MACIR: variants seen among roughly 807,000 people sequenced by gnomAD.
MACIR encodes the protein UNC119-binding protein C5orf30.
In MACIR, 4 loss-of-function variants were observed where a neutral mutation model predicts 14.3. That is an observed-to-expected ratio of 0.28 (90% CI 0.14 to 0.64). The LOEUF is 0.64. MACIR is among the 30% of genes least tolerant of loss of function. The pLI, the probability that MACIR is intolerant of heterozygous loss-of-function variation, is 0.83. For synonymous variants in MACIR, 101 were observed against 102.4 expected (o/e 0.99, Z 0.08); for missense variants, 228 against 257.6 (o/e 0.89, Z 0.79).
Position 103,276,076 on chromosome 5 carries a change from A to G in MACIR, c.157A>G (p.Ile53Val), listed in dbSNP as rs1554237652. Residue 53 changes from isoleucine to valine, a missense_variant, in exon 3 of 3, where the codon ATC becomes GTC. Coordinates refer to ENST00000319933, the MANE Select transcript of MACIR (RefSeq NM_033211.4). Reference sequence around the variant, plus strand: ...GCGGAGGACCGTGTCAGGCTACCAGATCCTACACATGGACTCTAACTATTT... The same window carrying G: ...GCGGAGGACCGTGTCAGGCTACCAGGTCCTACACATGGACTCTAACTATTT... The part of the protein sequence containing the change: ...PMRRTVSGYQ[I>V]LHMDSNYLVG... The G allele has an allele frequency of 6.2e-7, 1 of 1,614,060 alleles. No individual in the cohort carries two copies. The highest frequency in any genetic ancestry group is 8.5e-7 in the Non-Finnish European group (1 of 1,180,010).
intron 2 of MACIR, 139 bp from the exon 3 acceptor site, chr5:103,275,758 A>G: frequency 1.5e-6 from 1 of 673,448 alleles, no homozygotes; most frequent in African/African-American, 1.8e-5. Context: ...CGTTTAGTAG[A>G]CATAGTTACA....
chr5:103,258,465 T>C (rs191305734), upstream of MACIR, among the ~76,000 whole-genome samples: 377 of 152,016 alleles, frequency 2.5e-3, 1 homozygote, highest in African/African-American at 8.8e-3. Flanking sequence ...TTAGTTGGAG[T>C]GCTGGGTTTA....
chr5:103,265,920 A>T lies in MACIR; in HGVS notation c.-101A>T, dbSNP rs1413280394. 6.6e-6 allele frequency: 1 copy of T among 152,154 alleles called. No individual in the cohort carries two copies. Among genetic ancestry groups the T allele is most frequent in the African/African-American group, 2.4e-5 (1 of 41,446 alleles). 9.4% of individuals were successfully genotyped at this position (152,154 alleles called of 1,614,324 possible). A position where few individuals can be genotyped will look rare whatever the true frequency, so the allele number is the denominator to read the frequency against. On this transcript the variant is annotated 5_prime_UTR_variant, in exon 2 of 3. Transcript: ENST00000319933. Reference sequence around the variant, plus strand: ...ATTTCATGTTTAGTACCTGGAGTAGAACAGAAAAATTATTATGTCTGTGTT... The same window carrying T: ...ATTTCATGTTTAGTACCTGGAGTAGTACAGAAAAATTATTATGTCTGTGTT...
chr5:103,276,588 T>C lies in MACIR; in HGVS notation c.*48T>C. 6.5e-7 allele frequency: 1 copy of C among 1,539,768 alleles called. No individual in the cohort carries two copies. The highest frequency in any genetic ancestry group is 1.4e-5 in the African/African-American group (1 of 72,512). On this transcript the variant is annotated 3_prime_UTR_variant, in exon 3 of 3. Transcript: ENST00000319933. ...CAATTTAGGTCAGCCTACGCTTGGC[T>C]AGAAAAAACCCACTGCTGTACTCTG...
intron 2 of MACIR, among the ~76,000 whole-genome samples, chr5:103,269,418 T>A (rs568157363): frequency 1.3e-5 from 2 of 151,742 alleles, no homozygotes; most frequent in Non-Finnish European, 2.9e-5. Context: ...TGTTGATATC[T>A]GTTTTCTCTT....
intron 2 of MACIR, among the ~76,000 whole-genome samples, chr5:103,272,323 G>A (rs1805162993): frequency 6.6e-6 from 1 of 150,770 alleles, no homozygotes; most frequent in African/African-American, 2.4e-5. Flanking sequence ...ATCAAGATAG[G>A]TTGACTTTGA....
At chr5:103,274,952 T>C (rs1805266210) in intron 2 of MACIR, among the ~76,000 whole-genome samples, 7 of 152,176 alleles carry the variant, frequency 4.6e-5, no homozygotes, top group Admixed American at 3.9e-4. Flanking sequence ...ATCTGTAGCT[T>C]TCAGGAACCT....
chr5:103,263,786 G>A (rs1554236517), intron 1 of MACIR, among the ~76,000 whole-genome samples: 1 of 152,106 alleles, frequency 6.6e-6, no homozygotes, highest in Non-Finnish European at 1.5e-5. Context: ...TGTGATAGAT[G>A]TAGTCTTGAG....
intron 2 of MACIR, among the ~76,000 whole-genome samples, chr5:103,268,660 G>C (rs767389143): frequency 7.9e-5 from 12 of 152,182 alleles, no homozygotes; most frequent in Admixed American, 1.3e-4. Context: ...CTACACCCCA[G>C]ATCAGTTAAA....
intron 1 of MACIR, chr5:103,259,408 C>A (rs1202052739): frequency 2.0e-5 from 3 of 152,118 alleles, no homozygotes; most frequent in Non-Finnish European, 4.4e-5. Flanking sequence ...TTGGCGCGCA[C>A]GCTCGCTCGC....
intron 1 of MACIR, among the ~76,000 whole-genome samples, chr5:103,262,585 C>T (rs1213845086): frequency 6.6e-6 from 1 of 152,182 alleles, no homozygotes; most frequent in Non-Finnish European, 1.5e-5. Flanking sequence ...TTAATGTTTG[C>T]AAACTTTTCT....
chr5:103,261,995 T>C (rs1804746617), intron 1 of MACIR, among the ~76,000 whole-genome samples: 1 of 152,180 alleles, frequency 6.6e-6, no homozygotes, highest in Non-Finnish European at 1.5e-5. Context: ...GTTTTGTTAG[T>C]GATCTGTGCT....
chr5:103,267,431 A>T (rs2569016), intron 2 of MACIR, among the ~76,000 whole-genome samples: 1 of 151,920 alleles, frequency 6.6e-6, no homozygotes, highest in African/African-American at 2.4e-5. Context: ...TCTCTCTGTG[A>T]TTGGTTGAAT....
chr5:103,270,552 C>T (rs1439623431), intron 2 of MACIR, among the ~76,000 whole-genome samples: 5 of 152,076 alleles, frequency 3.3e-5, no homozygotes, highest in Admixed American at 1.3e-4. Flanking sequence ...TTGCTTTTAT[C>T]GGTTTCAAAA....
upstream of MACIR, among the ~76,000 whole-genome samples, chr5:103,258,468 T>C (rs1177176995): frequency 2.0e-5 from 3 of 152,054 alleles, no homozygotes; most frequent in Non-Finnish European, 4.4e-5. Context: ...GTTGGAGTGC[T>C]GGGTTTAGAC....
At chr5:103,266,103 G>A (rs1804915016) in intron 2 of MACIR, 106 bp downstream of exon 2, 2 of 152,218 alleles carry the variant, frequency 1.3e-5, no homozygotes, top group Admixed American at 6.5e-5. Flanking sequence ...TGAAATGTCA[G>A]TTAATCAAGT....
Position 103,276,587 on chromosome 5 carries a change from C to G in MACIR, c.*47C>G, listed in dbSNP as rs782132807. The G allele has an allele frequency of 1.9e-6, 3 of 1,538,674 alleles. No individual in the cohort carries two copies. Among genetic ancestry groups the G allele is most frequent in the Non-Finnish European group, 2.6e-6 (3 of 1,143,094 alleles). ...CCAATTTAGGTCAGCCTACGCTTGG[C>G]TAGAAAAAACCCACTGCTGTACTCT... is the stretch of plus-strand genomic sequence containing the variant. On this transcript the variant is annotated 3_prime_UTR_variant, in exon 3 of 3. Transcript: ENST00000319933.
chr5:103,258,680 G>GGGCGGAGGAGGAGGCGGAGGAGGA (rs530685651), upstream of MACIR: 12 of 153,388 alleles, frequency 7.8e-5, no homozygotes, highest in African/African-American at 2.4e-4. Context: ...GCGGGAAGGC[G>GGGCGGAGGAGGAGGCGGAGGAGGA]GGCGGAGGAG....
chr5:103,277,198 C>T lies in MACIR; in HGVS notation c.*658C>T, dbSNP rs1470024938. ...ATGGCTGTAAAATATTTCTTTATAG[C>T]GTTATTAAAGTGTGTCTTAATAAAA... On this transcript the variant is annotated 3_prime_UTR_variant, in exon 3 of 3. Transcript: ENST00000319933. 13 of 166,790 alleles carry T rather than the reference C, an allele frequency of 7.8e-5. No homozygotes were observed. The highest frequency in any genetic ancestry group is 3.3e-4 in the Admixed American group (5 of 15,254). 10.3% of individuals were successfully genotyped at this position (166,790 alleles called of 1,614,324 possible). A position where few individuals can be genotyped will look rare whatever the true frequency, so the allele number is the denominator to read the frequency against.
Sources: allele counts gnomAD v4.1 joint callset (sites outside exome capture counted in the v4.1 genomes callset), GRCh38; gene constraint gnomAD v4.1.1; transcripts MANE v1.5; gene names NCBI Gene and HGNC (gene_info 2026-07-23, HGNC 2026-07-21).